RGS7: variants seen among roughly 807,000 people sequenced by gnomAD.
RGS7 encodes the protein regulator of G-protein signaling 7.
In RGS7, 27 loss-of-function variants were observed where a neutral mutation model predicts 81.1. The ratio of observed to expected loss-of-function variants is 0.33; its 90% CI spans 0.25 to 0.46. The LOEUF (loss-of-function observed/expected upper bound fraction) is 0.46. Among genes scored for constraint, RGS7 ranks in the 20% least tolerant of loss-of-function variants. The pLI, the probability that RGS7 is intolerant of heterozygous loss-of-function variation, is 1.00. For synonymous variants in RGS7, 208 were observed against 207.7 expected, an observed-to-expected ratio of 1.00 and a Z score of -0.01; for missense variants, 396 against 607.4, an observed-to-expected ratio of 0.65 and a Z score of 3.66.
In RGS7 at chr1:240,839,318, T is replaced by A. The variant is rs1166146540; in HGVS notation, c.610-12146A>T. ...CCACAGGGTCTCACATTTTAGCGAA[T>A]GAACCGATCAAAGCACACGGTTAGA... On this transcript the variant is annotated intron_variant, in intron 9 of 18. Coordinates refer to ENST00000440928, the MANE Select transcript of RGS7 (RefSeq NM_001364886.1). Among the ~76,000 whole-genome samples the A allele has an allele frequency of 2.6e-5, 4 of 152,214 alleles. No homozygotes were observed. The East Asian group carries it at 5.8e-4, about 22-fold the overall frequency.
chr1:240,951,646 T>C (rs898932345), intron 4 of RGS7, among the ~76,000 whole-genome samples: 1 of 151,796 alleles, frequency 6.6e-6, no homozygotes, highest in Non-Finnish European at 1.5e-5. Flanking sequence ...AACAAAAGCA[T>C]CCAAAAACTG....
At chr1:241,076,585 C>T (rs1295540515) in intron 3 of RGS7, among the ~76,000 whole-genome samples, 1 of 152,104 alleles carries the variant, frequency 6.6e-6, no homozygotes, top group Non-Finnish European at 1.5e-5. Flanking sequence ...ATTTGTTGCT[C>T]ATATCAATAA....
intron 3 of RGS7, among the ~76,000 whole-genome samples, chr1:240,989,880 T>C (rs916745463): frequency 3.3e-5 from 5 of 152,286 alleles, no homozygotes; most frequent in Admixed American, 3.3e-4. Flanking sequence ...AGGATGTATT[T>C]AGGCCTCAAG....
At chr1:241,309,386 CAAAAAAAAA>C (rs71571833) in intron 2 of RGS7, among the ~76,000 whole-genome samples, 1,264 of 85,262 alleles carry the variant, frequency 0.015, 23 homozygotes, top group African/African-American at 0.056. Context: ...AACTCCAACT[CAAAAAAAAA>C]AAAAAAAAAG....
chr1:241,044,001 C>A (rs2060772664), intron 3 of RGS7, among the ~76,000 whole-genome samples: 1 of 152,098 alleles, frequency 6.6e-6, no homozygotes, highest in Non-Finnish European at 1.5e-5. Flanking sequence ...TTTCAACAAC[C>A]TACTACAATC....
chr1:240,930,872 T>C, intron 5 of RGS7, 104 bp from the exon 6 acceptor site: 1 of 1,126,326 alleles, frequency 8.9e-7, no homozygotes, highest in Non-Finnish European at 1.4e-6. Context: ...TATATTAGTT[T>C]GCTATATGTT....
intron 2 of RGS7, among the ~76,000 whole-genome samples, chr1:241,229,094 A>C (rs904828323): frequency 1.3e-5 from 2 of 151,894 alleles, no homozygotes; most frequent in Admixed American, 6.6e-5. Flanking sequence ...ACCATACCTA[A>C]CTTGTGGGGT....
chr1:241,272,490 CTT>C (rs1285369866), intron 2 of RGS7, among the ~76,000 whole-genome samples: 1 of 152,142 alleles, frequency 6.6e-6, no homozygotes, highest in East Asian at 1.9e-4. Flanking sequence ...TTTGTCATGG[CTT>C]TTGATTTCTG....
chr1:240,848,633 G>GTT (rs5782165), intron 9 of RGS7, among the ~76,000 whole-genome samples: 115,331 of 148,910 alleles, frequency 0.77, 44,765 homozygotes, highest in Middle Eastern at 0.87. Context: ...ATAACGAGAG[G>GTT]TTTTTTTTTT....
Position 240,870,266 on chromosome 1 carries a change from T to C in RGS7, c.386-147A>G, listed in dbSNP as rs969583331. 12 of 716,668 alleles carry C rather than the reference T, an allele frequency of 1.7e-5. No homozygotes were observed. The African/African-American group carries it at 2.1e-4, about 13-fold the overall frequency. The allele number at this position is 716,668 out of a possible 1,614,324, so 44.4% of individuals were successfully genotyped here. Reference sequence around the variant, plus strand: ...TCTTAGACAAAAAATAATTATGTAATAACATTATTACTGAAATTCAAGCAT... The same window carrying C: ...TCTTAGACAAAAAATAATTATGTAACAACATTATTACTGAAATTCAAGCAT... On this transcript the variant is annotated intron_variant, in intron 6 of 18. Transcript: ENST00000440928.
intron 9 of RGS7, among the ~76,000 whole-genome samples, chr1:240,866,692 C>T (rs1391112704): frequency 1.3e-5 from 2 of 152,002 alleles, no homozygotes; most frequent in Non-Finnish European, 2.9e-5. Flanking sequence ...GACTAGCGCC[C>T]GACTTGCACT....
Position 240,997,296 on chromosome 1 carries a change from T to C in RGS7, c.176-14167A>G, listed in dbSNP as rs549773993. ...GCACCTAGCTCTAAATATTTTTGAA[T>C]GCATTATTGTGCAGCTCTTTTTAGT... On this transcript the variant is annotated intron_variant, in intron 3 of 18. Transcript: ENST00000440928. Among the ~76,000 whole-genome samples, 29 of 152,270 alleles carry C rather than the reference T, an allele frequency of 1.9e-4. No individual in the cohort carries two copies. In the South Asian group the frequency reaches 5.0e-3, roughly 26 times the overall value.
At chr1:241,259,667 A>AAAAAAAAAAAAAAAAAAATATAT in intron 2 of RGS7, among the ~76,000 whole-genome samples, 9 of 49,144 alleles carry the variant, frequency 1.8e-4, no homozygotes, top group Admixed American at 1.2e-3. Flanking sequence ...AAAAAAAAAA[A>AAAAAAAAAAAAAAAAAAATATAT]ATATATATAT....
intron 3 of RGS7, among the ~76,000 whole-genome samples, chr1:240,986,232 T>C (rs1685648258): frequency 6.6e-6 from 1 of 152,158 alleles, no homozygotes; most frequent in Non-Finnish European, 1.5e-5. Context: ...TAGCAGTATA[T>C]TATTTAAAAT....
intron 2 of RGS7, among the ~76,000 whole-genome samples, chr1:241,332,464 G>A (rs1558327921): frequency 6.6e-6 from 1 of 152,108 alleles, no homozygotes; most frequent in African/African-American, 2.4e-5. Context: ...ATCGTTTGAG[G>A]TGTCCAACCA....
intron 2 of RGS7, among the ~76,000 whole-genome samples, chr1:241,252,586 A>G (rs2076886278): frequency 6.6e-6 from 1 of 152,178 alleles, no homozygotes; most frequent in Non-Finnish European, 1.5e-5. Flanking sequence ...GAGAAATTCT[A>G]TGATGTGATG....
chr1:241,253,493 A>G (rs559888633), intron 2 of RGS7, among the ~76,000 whole-genome samples: 14 of 152,298 alleles, frequency 9.2e-5, no homozygotes, highest in Non-Finnish European at 1.2e-4. Flanking sequence ...ATTCCATTTG[A>G]CAGGAAGAGT....
chr1:241,068,903 T>A (rs905647524), intron 3 of RGS7, among the ~76,000 whole-genome samples: 2 of 152,140 alleles, frequency 1.3e-5, no homozygotes, highest in African/African-American at 4.8e-5. Flanking sequence ...GGTACTGTTG[T>A]TGCAATAGGA....
At chr1:241,113,577 T>C (rs1296323680) in intron 2 of RGS7, among the ~76,000 whole-genome samples, 1 of 152,222 alleles carries the variant, frequency 6.6e-6, no homozygotes, top group East Asian at 1.9e-4. Context: ...TCCCTTAACG[T>C]TTTGATACTC....
Sources: allele counts gnomAD v4.1 joint callset (sites outside exome capture counted in the v4.1 genomes callset), GRCh38; gene constraint gnomAD v4.1.1; transcripts MANE v1.5; gene names NCBI Gene and HGNC (gene_info 2026-07-23, HGNC 2026-07-21).